The following COL25A1 variants were observed in gnomAD, a reference collection of about 807,000 sequenced individuals.
COL25A1 encodes collagen type XXV alpha 1 chain.
A neutral mutation model predicts 128.4 loss-of-function variants in COL25A1; 103 were observed. The ratio of observed to expected loss-of-function variants is 0.80; its 90% CI spans 0.68 to 0.94. The LOEUF (loss-of-function observed/expected upper bound fraction) is 0.94, where lower values mean the gene tolerates loss of function less well. Among genes scored for constraint, COL25A1 ranks in the 40% least tolerant of loss-of-function variants. The pLI, the probability that COL25A1 is intolerant of heterozygous loss-of-function variation, is 0.00. For missense variants in COL25A1, 745 were observed against 840.0 expected (o/e 0.89, Z 1.40); for synonymous variants, 279 against 277.2 (o/e 1.01, Z -0.06).
At chr4:109,055,447 C>T (rs538517219) in intron 3 of COL25A1, among the ~76,000 whole-genome samples, 7 of 152,160 alleles carry the variant, frequency 4.6e-5, no homozygotes, top group Admixed American at 6.5e-5. Context: ...AAACAACCTG[C>T]CCACAGTCCC....
chr4:108,973,003 G>A (rs1752069560), intron 8 of COL25A1, among the ~76,000 whole-genome samples: 1 of 152,164 alleles, frequency 6.6e-6, no homozygotes, highest in African/African-American at 2.4e-5. Context: ...CAGCTAAGCT[G>A]TGAACCACCC....
chr4:108,956,159 A>G (rs1327970360), intron 8 of COL25A1, among the ~76,000 whole-genome samples: 1 of 152,202 alleles, frequency 6.6e-6, no homozygotes, highest in Non-Finnish European at 1.5e-5. Context: ...AATTTATAAC[A>G]GAATACTAAT....
chr4:109,022,172 G>A (rs955677033), intron 5 of COL25A1: 19 of 453,384 alleles, frequency 4.2e-5, no homozygotes, highest in African/African-American at 2.6e-4. Context: ...CGGACCTGCC[G>A]ATATGTGATG....
chr4:108,969,561 T>C (rs1035369454), intron 8 of COL25A1, among the ~76,000 whole-genome samples: 2 of 152,196 alleles, frequency 1.3e-5, no homozygotes, highest in Admixed American at 6.5e-5. Context: ...AAATTGGAGC[T>C]TTTGTCCGTA....
Position 108,876,300 on chromosome 4 carries a change from G to T in COL25A1, c.1021-7150C>A, listed in dbSNP as rs555861791. Among the ~76,000 whole-genome samples the T allele has an allele frequency of 3.3e-5, 5 of 152,058 alleles. No homozygotes were observed. The South Asian group carries it at 1.0e-3, about 32-fold the overall frequency. On this transcript the variant is annotated intron_variant, in intron 19 of 37. Coordinates refer to ENST00000399132, the MANE Select transcript of COL25A1 (RefSeq NM_198721.4). ...AGGAGAAGGAGTAGTGAGGAATTCA[G>T]GGAGGGAGGGAAGGAGAGGGAGAGA...
At chr4:109,242,997 T>A (rs1332531243) in intron 3 of COL25A1, among the ~76,000 whole-genome samples, 2 of 152,106 alleles carry the variant, frequency 1.3e-5, no homozygotes, top group African/African-American at 4.8e-5. Context: ...GGACATTATA[T>A]CTCCAGACTT....
At chr4:108,954,474 CAA>C (rs1454876034) in intron 8 of COL25A1, among the ~76,000 whole-genome samples, 3 of 151,896 alleles carry the variant, frequency 2.0e-5, no homozygotes, top group Non-Finnish European at 4.4e-5. Context: ...TATTTAACCT[CAA>C]AAGTCTTTTA....
rs759072582 is a variant in COL25A1 at position 108,823,318 on chromosome 4, T to C, written c.1845+856A>G. Among the ~76,000 whole-genome samples, 18 of 152,022 alleles carry C rather than the reference T, an allele frequency of 1.2e-4. 1 individual carries two copies. Among genetic ancestry groups the C allele is most frequent in the Non-Finnish European group, 4.4e-5 (3 of 68,020 alleles). On this transcript the variant is annotated intron_variant, in intron 35 of 37. Transcript: ENST00000399132. ...TGTGTCCAGTGTAAACAATTCTCCT[T>C]AGATTTACTACCAGGTAAAAGACCC...
chr4:109,142,068 C>T (rs1461350358), intron 3 of COL25A1, among the ~76,000 whole-genome samples: 1 of 152,158 alleles, frequency 6.6e-6, no homozygotes, highest in Non-Finnish European at 1.5e-5. Flanking sequence ...GCATTTAGTG[C>T]TATCAGTTTC....
At position 109,104,148 on chromosome 4, in the gene COL25A1, G is replaced by GGA. The variant is rs1187615352; in HGVS notation, c.368-53971_368-53970dup. ...AACACTTTGGGAAGCTGAGGTGGGAGGATCACTTGAGGCCAGGAGTCTGAA... is the reference window on the plus strand; with the variant it reads ...AACACTTTGGGAAGCTGAGGTGGGAGGAGATCACTTGAGGCCAGGAGTCTGAA... On this transcript the variant is annotated intron_variant, in intron 3 of 37. Coordinates refer to ENST00000399132, the MANE Select transcript of COL25A1 (RefSeq NM_198721.4). Among the ~76,000 whole-genome samples, 6 of 152,062 alleles carry GGA rather than the reference G, an allele frequency of 3.9e-5. No individual in the cohort carries two copies. The East Asian group carries it at 1.2e-3, about 29-fold the overall frequency.
intron 6 of COL25A1, among the ~76,000 whole-genome samples, chr4:108,981,808 A>C (rs1753001834): frequency 6.6e-6 from 1 of 152,222 alleles, no homozygotes; most frequent in Non-Finnish European, 1.5e-5. Flanking sequence ...CTGCCCTACC[A>C]ATAATATAAT....
chr4:108,992,992 G>T (rs1418282884), intron 6 of COL25A1, among the ~76,000 whole-genome samples: 1 of 152,164 alleles, frequency 6.6e-6, no homozygotes, highest in Non-Finnish European at 1.5e-5. Context: ...ACCAAGTCTA[G>T]CTAAATAACA....
intron 16 of COL25A1, among the ~76,000 whole-genome samples, chr4:108,891,029 G>T (rs1316485114): frequency 6.6e-6 from 1 of 152,136 alleles, no homozygotes; most frequent in African/African-American, 2.4e-5. Context: ...CCTATTCATT[G>T]TCTATCTCTC....
intron 24 of COL25A1, among the ~76,000 whole-genome samples, chr4:108,853,735 C>A (rs10026763): frequency 0.17 from 26,390 of 150,806 alleles, 2,432 homozygotes; most frequent in African/African-American, 0.22. Flanking sequence ...TCTCATTGTT[C>A]AACTCCCACT....
At chr4:109,236,566 A>G (rs1779493337) in intron 3 of COL25A1, among the ~76,000 whole-genome samples, 1 of 152,098 alleles carries the variant, frequency 6.6e-6, no homozygotes, top group Non-Finnish European at 1.5e-5. Flanking sequence ...TGTTCAATCT[A>G]TAAGCCTGGC....
At chr4:109,062,149 T>G (rs1463960136) in intron 3 of COL25A1, among the ~76,000 whole-genome samples, 1 of 152,202 alleles carries the variant, frequency 6.6e-6, no homozygotes, top group African/African-American at 2.4e-5. Context: ...TGCTGAAGTT[T>G]GGACGAGTGT....
chr4:108,925,365 CG>C (rs977198428), intron 11 of COL25A1, among the ~76,000 whole-genome samples: 34 of 151,868 alleles, frequency 2.2e-4, no homozygotes, highest in Middle Eastern at 6.8e-3. Context: ...GGGGGCGGGG[CG>C]GTCATTTAGT....
chr4:109,097,253 A>G (rs1765476182), intron 3 of COL25A1, among the ~76,000 whole-genome samples: 2 of 152,166 alleles, frequency 1.3e-5, no homozygotes, highest in African/African-American at 4.8e-5. Flanking sequence ...GCTCAGTTCA[A>G]AACAATGGCC....
At chr4:109,243,041 T>C (rs890478383) in intron 3 of COL25A1, among the ~76,000 whole-genome samples, 3 of 152,162 alleles carry the variant, frequency 2.0e-5, no homozygotes, top group South Asian at 4.1e-4. Flanking sequence ...TTATACCCTC[T>C]GACCAACATC....
Sources: allele counts gnomAD v4.1 joint callset (sites outside exome capture counted in the v4.1 genomes callset), GRCh38; gene constraint gnomAD v4.1.1; transcripts MANE v1.5; gene names NCBI Gene and HGNC (gene_info 2026-07-23, HGNC 2026-07-21).